RER1: variants seen among roughly 807,000 people sequenced by gnomAD.
The protein encoded by RER1 is retention in endoplasmic reticulum sorting receptor 1, also known as protein RER1.
RER1 carries 6 observed loss-of-function variants against 28.3 expected under a neutral mutation model. The ratio of observed to expected loss-of-function variants is 0.21; its 90% CI spans 0.12 to 0.42. The LOEUF (loss-of-function observed/expected upper bound fraction) is 0.42. Among genes scored for constraint, RER1 ranks in the 10% least tolerant of loss-of-function variants. The pLI, the probability that RER1 is intolerant of heterozygous loss-of-function variation, is 1.00. For synonymous variants in RER1, 110 were observed against 95.9 expected (o/e 1.15, Z -0.86); for missense variants, 159 against 252.9 (o/e 0.63, Z 2.52).
At chr1:2,392,112 C>T (rs1259322439) in intron 1 of RER1, among the ~76,000 whole-genome samples, 154 bp downstream of exon 1, 4 of 151,462 alleles carry the variant, frequency 2.6e-5, no homozygotes, top group African/African-American at 7.3e-5. Flanking sequence ...TGTTCCCGAC[C>T]CGCGGCCCTG....
At position 2,403,032 on chromosome 1, in the gene RER1, C is replaced by T. The variant is rs1043082405; in HGVS notation, c.502-3C>T. The T allele has an allele frequency of 6.2e-7, 1 of 1,612,322 alleles. No individual in the cohort carries two copies. The highest frequency in any genetic ancestry group is 2.2e-5 in the East Asian group (1 of 44,854). On this transcript the variant is annotated splice_polypyrimidine_tract_variant and splice_region_variant and intron_variant, in intron 6 of 6. Coordinates refer to ENST00000605895, the MANE Select transcript of RER1 (RefSeq NM_007033.5). Reference sequence around the variant, plus strand: ...GTAACTGAGTCTGTGTTTCTCTCCCCAGCACATGATTAAGTACCGGTACAT... The same window carrying T: ...GTAACTGAGTCTGTGTTTCTCTCCCTAGCACATGATTAAGTACCGGTACAT...
Position 2,404,294 on chromosome 1 carries a change from T to C in RER1, c.*1170T>C, listed in dbSNP as rs1352200791. On this transcript the variant is annotated 3_prime_UTR_variant, in exon 7 of 7. Transcript: ENST00000605895. Reference sequence around the variant, plus strand: ...CTAAGAGGCCACGTTCAAGCTTGTGTGTCCCTGACCCAAGATAGCCAGTGC... The same window carrying C: ...CTAAGAGGCCACGTTCAAGCTTGTGCGTCCCTGACCCAAGATAGCCAGTGC... 1.3e-5 allele frequency: 2 copies of C among 152,410 alleles called. No individual in the cohort carries two copies. The highest frequency in any genetic ancestry group is 4.8e-5 in the African/African-American group (2 of 41,598). 9.4% of individuals were successfully genotyped at this position (152,410 alleles called of 1,614,324 possible).
intron 5 of RER1, 124 bp from the exon 6 acceptor site, chr1:2,402,083 C>T (rs779153083): frequency 6.2e-7 from 1 of 1,604,616 alleles, no homozygotes; most frequent in Non-Finnish European, 8.5e-7. Context: ...AGGGTAGACC[C>T]CTCCTTTCCA....
At chr1:2,394,796 G>C (rs958505128) in intron 1 of RER1, 1 of 152,288 alleles carries the variant, frequency 6.6e-6, no homozygotes, top group Non-Finnish European at 1.5e-5. Flanking sequence ...GGGAGCAGAT[G>C]GGGGGTGGTG....
At chr1:2,399,380 G>T in intron 3 of RER1, 35 bp from the exon 4 acceptor site, 1 of 1,408,658 alleles carries the variant, frequency 7.1e-7, no homozygotes, top group South Asian at 1.2e-5. Flanking sequence ...TGGACGGTCA[G>T]AGTGCACCAC....
At position 2,405,386 on chromosome 1, in the gene RER1, T is replaced by G; in HGVS notation, c.*2262T>G. On this transcript the variant is annotated 3_prime_UTR_variant, in exon 7 of 7. Coordinates refer to ENST00000605895, the MANE Select transcript of RER1 (RefSeq NM_007033.5). ...TCAGTCCATTGCCTTAACACAAGCC[T>G]GATGGGGCTGTTTTCTCACAATATA... The G allele has an allele frequency of 2.6e-6, 1 of 380,168 alleles. No individual in the cohort carries two copies. Among genetic ancestry groups the G allele is most frequent in the South Asian group, 2.1e-5 (1 of 47,394 alleles). 23.5% of individuals were successfully genotyped at this position (380,168 alleles called of 1,614,324 possible).
chr1:2,392,671 A>G (rs1462860546), intron 1 of RER1, among the ~76,000 whole-genome samples: 1 of 152,086 alleles, frequency 6.6e-6, no homozygotes, highest in Non-Finnish European at 1.5e-5. Context: ...GAAGCACTTT[A>G]TTTTTAGTTG....
intron 5 of RER1, among the ~76,000 whole-genome samples, chr1:2,401,793 T>G (rs1281523181): frequency 1.3e-5 from 2 of 151,994 alleles, no homozygotes; most frequent in African/African-American, 4.8e-5. Context: ...GGCCGTGGCA[T>G]CTGTTGGCCA....
At chr1:2,393,074 G>C (rs941043927) in intron 1 of RER1, 5 of 1,240 alleles carry the variant, frequency 4.0e-3, no homozygotes, top group African/African-American at 0.021. Context: ...CACGTGCAGA[G>C]TGATGGACCA....
chr1:2,395,367 C>G lies in RER1; in HGVS notation c.-7-417C>G. 3 of 236,298 alleles carry G rather than the reference C, an allele frequency of 1.3e-5. No homozygotes were observed. The South Asian group carries it at 1.8e-4, about 14-fold the overall frequency. 14.6% of individuals were successfully genotyped at this position (236,298 alleles called of 1,614,324 possible). A position where few individuals can be genotyped will look rare whatever the true frequency, so the allele number is the denominator to read the frequency against. ...CAGAGACCCAGGACAGGGCGTGGAG[C>G]AGACAAGGTGCCTGGGCGGGGGAAC... On this transcript the variant is annotated intron_variant, in intron 1 of 6. Transcript: ENST00000605895.
At chr1:2,401,530 G>GGTA (rs754411421) in intron 5 of RER1, among the ~76,000 whole-genome samples, 3 of 150,216 alleles carry the variant, frequency 2.0e-5, no homozygotes, top group South Asian at 2.2e-4. Context: ...TGTCTGCACG[G>GGTA]GTAGGCAGAG....
Position 2,403,160 on chromosome 1 carries a change from C to T in RER1, c.*36C>T, listed in dbSNP as rs370526635. 6.6e-7 allele frequency: 1 copy of T among 1,519,644 alleles called. No homozygotes were observed. The highest frequency in any genetic ancestry group is 1.1e-5 in the South Asian group (1 of 89,078). 94.1% of individuals were successfully genotyped at this position (1,519,644 alleles called of 1,614,324 possible). On this transcript the variant is annotated 3_prime_UTR_variant, in exon 7 of 7. Coordinates refer to ENST00000605895, the MANE Select transcript of RER1 (RefSeq NM_007033.5). ...GAGGCTGCCTCACGTGTTGCAAGAA[C>T]AGTTTTGAGCCATTGTTAACAATGC...
intron 5 of RER1, chr1:2,401,920 C>G: frequency 8.3e-7 from 1 of 1,200,232 alleles, no homozygotes; most frequent in South Asian, 1.6e-5. Flanking sequence ...AGCCAGCAGG[C>G]ATGGGGCCCC....
At chr1:2,402,013 G>T (rs1407888914) in intron 5 of RER1, 194 bp from the exon 6 acceptor site, 1 of 1,508,568 alleles carries the variant, frequency 6.6e-7, no homozygotes, top group Non-Finnish European at 8.9e-7. Context: ...GGATGTTTCT[G>T]TGGTTAGGGC....
rs1642938038 is a variant in RER1 at position 2,404,657 on chromosome 1, G to A, written c.*1533G>A. On this transcript the variant is annotated 3_prime_UTR_variant, in exon 7 of 7. Coordinates refer to ENST00000605895, the MANE Select transcript of RER1 (RefSeq NM_007033.5). ...CAGGGTCATCCTCATTCCTAAGTAA[G>A]TCAAACAGCAAGACATGGTTTGCGC... 1.3e-5 allele frequency: 2 copies of A among 152,368 alleles called. No individual in the cohort carries two copies. Among genetic ancestry groups the A allele is most frequent in the African/African-American group, 4.8e-5 (2 of 41,574 alleles). The allele number at this position is 152,368 out of a possible 1,614,324, so 9.4% of individuals were successfully genotyped here. A position where few individuals can be genotyped will look rare whatever the true frequency, so the allele number is the denominator to read the frequency against.
At chr1:2,400,507 G>A (rs541012763) in intron 4 of RER1, among the ~76,000 whole-genome samples, 12 of 152,360 alleles carry the variant, frequency 7.9e-5, no homozygotes, top group Admixed American at 7.8e-4. Context: ...GCGCATCCTC[G>A]GCCCCGCCCT....
At chr1:2,398,227 A>G (rs968861524) in intron 3 of RER1, among the ~76,000 whole-genome samples, 1 of 151,258 alleles carries the variant, frequency 6.6e-6, no homozygotes, top group African/African-American at 2.4e-5. Context: ...CGTTCAGCCG[A>G]GGATGGACAC....
intron 2 of RER1, chr1:2,396,214 C>G: frequency 3.3e-6 from 1 of 303,240 alleles, no homozygotes; most frequent in Non-Finnish European, 6.4e-6. Context: ...CCCACGTCCC[C>G]GGTGCTGGTA....
chr1:2,394,589 C>T (rs1305128479), intron 1 of RER1: 1 of 152,250 alleles, frequency 6.6e-6, no homozygotes, highest in Non-Finnish European at 1.5e-5. Flanking sequence ...AACAATAAGA[C>T]TGACCCCAAC....
Sources: allele counts gnomAD v4.1 joint callset (sites outside exome capture counted in the v4.1 genomes callset), GRCh38; gene constraint gnomAD v4.1.1; transcripts MANE v1.5; gene names NCBI Gene and HGNC (gene_info 2026-07-23, HGNC 2026-07-21).